The following POLR2B variants were observed in gnomAD, a reference collection of about 807,000 sequenced individuals.
POLR2B encodes the protein DNA-directed RNA polymerase II subunit RPB2.
In POLR2B, 57 loss-of-function variants were observed where a neutral mutation model predicts 144.6. The observed-to-expected ratio is 0.39, with a 90% CI of 0.32 to 0.49. The LOEUF is 0.49. POLR2B is among the 20% of genes least tolerant of loss of function. POLR2B has a pLI of 0.83. For missense variants in POLR2B, 595 were observed against 1,467.4 expected (o/e 0.41, Z 9.71); for synonymous variants, 442 against 469.8 (o/e 0.94, Z 0.77).
chr4:57,016,729 ATATG>A lies in POLR2B; in HGVS notation c.1956-309_1956-306del, dbSNP rs1283765954. 4.0e-5 allele frequency among the ~76,000 whole-genome samples: 6 copies of A among 149,894 alleles called. No homozygotes were observed. In the South Asian group the frequency reaches 1.0e-3, roughly 26 times the overall value. On this transcript the variant is annotated intron_variant, in intron 14 of 24. Coordinates refer to ENST00000314595, the MANE Select transcript of POLR2B (RefSeq NM_000938.3). ...TACTAATATAAAAATCATTCAAACA[ATATG>A]TATGATAAATTTAAAAAATTGCCCT...
rs1325054977 is a variant in POLR2B, at chr4:57,017,466, T to G, written c.2155-94T>G. ...ACTGTTTTTGAAAAAAATCAGGAGT[T>G]TTACCAATCATATTTCTTTTGATTT... On this transcript the variant is annotated intron_variant, in intron 15 of 24. Coordinates refer to ENST00000314595, the MANE Select transcript of POLR2B (RefSeq NM_000938.3). The surrounding 1 kb of genome is among the most constrained non-coding windows in gnomAD (Gnocchi z 4.8). 9.1e-7 allele frequency: 1 copy of G among 1,104,364 alleles called. No individual in the cohort carries two copies. Among genetic ancestry groups the G allele is most frequent in the Non-Finnish European group, 1.3e-6 (1 of 775,564 alleles). 68.4% of individuals were successfully genotyped at this position (1,104,364 alleles called of 1,614,324 possible).
chr4:57,027,111 C>G (rs928261690), intron 23 of POLR2B, among the ~76,000 whole-genome samples: 4 of 151,998 alleles, frequency 2.6e-5, no homozygotes, highest in African/African-American at 9.7e-5. Context: ...CGGATTCAAG[C>G]AATTCTCGTG....
intron 23 of POLR2B, among the ~76,000 whole-genome samples, chr4:57,027,268 C>G (rs538717887): frequency 7.9e-5 from 12 of 152,254 alleles, no homozygotes; most frequent in Admixed American, 2.6e-4. Flanking sequence ...CTTGGCCTTC[C>G]AAATTGCTGG....
At chr4:57,014,170 C>T (rs984890077) in intron 13 of POLR2B, among the ~76,000 whole-genome samples, 4 of 152,102 alleles carry the variant, frequency 2.6e-5, no homozygotes, top group Non-Finnish European at 5.9e-5. Context: ...TGTCTTTTGA[C>T]TCATTTTAGA....
chr4:56,998,898 G>A (rs992769006), intron 6 of POLR2B, among the ~76,000 whole-genome samples: 5 of 152,194 alleles, frequency 3.3e-5, no homozygotes, highest in Non-Finnish European at 5.9e-5. Flanking sequence ...GGAGGAAGAT[G>A]ACAGAAGTTA....
Position 56,995,265 on chromosome 4 carries a change from A to G in POLR2B, c.591A>G (p.Gln197=). 2 of 1,607,586 alleles carry G rather than the reference A, an allele frequency of 1.2e-6. No homozygotes were observed. Among genetic ancestry groups the G allele is most frequent in the Non-Finnish European group, 1.7e-6 (2 of 1,175,024 alleles). Residue 197 remains glutamine, a synonymous_variant, in exon 6 of 25, where the codon CAA becomes CAG. Coordinates refer to ENST00000314595, the MANE Select transcript of POLR2B (RefSeq NM_000938.3). ...INGSEKVLIA[Q]EKMATNTVYV... ...TGTCCAAATAGGTTCTGATTGCCCAAGAGAAAATGGCAACAAACACAGTTT... is the reference window on the plus strand; with the variant it reads ...TGTCCAAATAGGTTCTGATTGCCCAGGAGAAAATGGCAACAAACACAGTTT...
intron 2 of POLR2B, among the ~76,000 whole-genome samples, chr4:56,989,192 G>A (rs868646483): frequency 6.6e-6 from 1 of 152,134 alleles, no homozygotes; most frequent in Non-Finnish European, 1.5e-5. Flanking sequence ...TAATGATTTT[G>A]GGTAAAGTAG....
rs966854026 is a variant in POLR2B at position 56,995,452 on chromosome 4, CTTTGT to C, written c.735+47_735+51del. On this transcript the variant is annotated intron_variant, in intron 6 of 24. Transcript: ENST00000314595. ...TGCTATTTGGGTTTATTCCTTTGTG[CTTTGT>C]TTTAAAATTTACTAGACTGCCTTCT... 4.8e-6 allele frequency: 7 copies of C among 1,463,092 alleles called. No individual in the cohort carries two copies. The African/African-American group carries it at 9.8e-5, about 20-fold the overall frequency. The allele number at this position is 1,463,092 out of a possible 1,614,324, so 90.6% of individuals were successfully genotyped here.
chr4:57,022,428 G>A (rs891824941), intron 18 of POLR2B, among the ~76,000 whole-genome samples, 182 bp downstream of exon 18: 8 of 152,094 alleles, frequency 5.3e-5, no homozygotes, highest in African/African-American at 1.9e-4. Context: ...ATGTGTATTT[G>A]ATAAAAGTCT....
intron 1 of POLR2B, among the ~76,000 whole-genome samples, chr4:56,983,157 C>G (rs1213001456): frequency 6.6e-6 from 1 of 152,168 alleles, no homozygotes; most frequent in Non-Finnish European, 1.5e-5. Context: ...TGGTAAAGGC[C>G]AAACTCTTCT....
intron 6 of POLR2B, among the ~76,000 whole-genome samples, chr4:56,999,043 A>G (rs1407390471): frequency 6.6e-6 from 1 of 152,174 alleles, no homozygotes; most frequent in Non-Finnish European, 1.5e-5. Flanking sequence ...TTGTCTTTGT[A>G]TATGCGTACA....
chr4:56,996,206 ATG>A (rs59059584), intron 6 of POLR2B, among the ~76,000 whole-genome samples: 27,482 of 115,178 alleles, frequency 0.24, 3,508 homozygotes, highest in Middle Eastern at 0.39. Context: ...ATTTCAGTTC[ATG>A]TGTGTGTGTG....
chr4:56,980,730 C>G (rs944105624), intron 1 of POLR2B, among the ~76,000 whole-genome samples: 13 of 151,996 alleles, frequency 8.6e-5, no homozygotes, highest in African/African-American at 2.9e-4. Context: ...TCCTTCTTAC[C>G]CACCATCTGC....
intron 1 of POLR2B, among the ~76,000 whole-genome samples, chr4:56,979,232 T>C (rs1013647401): frequency 6.6e-6 from 1 of 152,160 alleles, no homozygotes; most frequent in African/African-American, 2.4e-5. Context: ...CTCTGCACTT[T>C]CTCGTTCCGT....
At chr4:57,029,379 T>C (rs189378740) in intron 23 of POLR2B, among the ~76,000 whole-genome samples, 1 of 152,338 alleles carries the variant, frequency 6.6e-6, no homozygotes, top group African/African-American at 2.4e-5. Context: ...AATAAATGCT[T>C]GATTCTCTTT....
At position 57,023,246 on chromosome 4, in the gene POLR2B, C is replaced by G; in HGVS notation, c.2516-84C>G. On this transcript the variant is annotated intron_variant, in intron 18 of 24. Coordinates refer to ENST00000314595, the MANE Select transcript of POLR2B (RefSeq NM_000938.3). The surrounding 1 kb of genome is among the most constrained non-coding windows in gnomAD (Gnocchi z 4.3). ...ATGGTATAGAGACTCCTGTGGCCTT[C>G]TCTCTGACTTGGAACTGATTCATGT... 1 of 1,377,834 alleles carries G rather than the reference C, an allele frequency of 7.3e-7. No homozygotes were observed. The highest frequency in any genetic ancestry group is 1.0e-6 in the Non-Finnish European group (1 of 987,238). The allele number at this position is 1,377,834 out of a possible 1,614,324, so 85.4% of individuals were successfully genotyped here.
chr4:56,983,141 A>G (rs1323312870), intron 1 of POLR2B, among the ~76,000 whole-genome samples: 5 of 152,054 alleles, frequency 3.3e-5, no homozygotes, highest in Admixed American at 3.3e-4. Flanking sequence ...CTAAACTCAT[A>G]TCTCTTGGTA....
At chr4:56,980,549 C>G (rs769355765) in intron 1 of POLR2B, among the ~76,000 whole-genome samples, 3 of 152,036 alleles carry the variant, frequency 2.0e-5, no homozygotes, top group Non-Finnish European at 4.4e-5. Flanking sequence ...TGGGAGACCC[C>G]TCTCTATAAG....
In POLR2B at chr4:57,023,362, G is replaced by A. The variant is rs769733869; in HGVS notation, c.2548G>A (p.Asp850Asn). Residue 850 changes from aspartate to asparagine, a missense_variant, in exon 19 of 25, where the codon GAT becomes AAT. Asp to Asn is a conservative substitution (Grantham distance 23, BLOSUM62 1). Transcript: ENST00000314595. The surrounding 1 kb of genome is among the most constrained non-coding windows in gnomAD (Gnocchi z 4.3). ...MRHAIYDKLD[D>N]DGLIAPGVRV... ...GCATGCCATTTACGACAAGCTGGAT[G>A]ATGATGGTTTGATAGCTCCAGGGGT... 7 of 1,613,968 alleles carry A rather than the reference G, an allele frequency of 4.3e-6. No individual in the cohort carries two copies. The Admixed American group carries it at 6.7e-5, about 15-fold the overall frequency.
Sources: gnomAD v4.1 joint callset for allele counts (sites outside exome capture counted in the v4.1 genomes callset) on GRCh38, gnomAD v4.1.1 for gene constraint, Gnocchi (gnomAD v3.1) non-coding constraint, MANE v1.5 for transcripts, NCBI Gene and HGNC (gene_info 2026-07-23, HGNC 2026-07-21) for gene names.